Variants in SAMMSON observed in about 807,000 individuals in gnomAD.
SAMMSON encodes survival associated mitochondrial melanoma specific oncogenic non-coding RNA.
At chr3:70,001,222 C>A (rs2066904515) in intron 1 of SAMMSON, among the ~76,000 whole-genome samples, 2 of 152,062 alleles carry the variant, frequency 1.3e-5, no homozygotes, top group Admixed American at 6.5e-5. Flanking sequence ...ATAAAAACTT[C>A]AGGCACTTGA....
intron 9 of SAMMSON, among the ~76,000 whole-genome samples, chr3:70,358,723 T>C (rs180722315): frequency 6.2e-4 from 95 of 152,308 alleles, no homozygotes; most frequent in Admixed American, 1.2e-3. Context: ...TTTTGTTTAT[T>C]GCATTGCTTT....
At chr3:70,022,758 G>C (rs1407733516) in intron 3 of SAMMSON, among the ~76,000 whole-genome samples, 1 of 152,106 alleles carries the variant, frequency 6.6e-6, no homozygotes, top group Non-Finnish European at 1.5e-5. Flanking sequence ...ACAGCTAAAG[G>C]GCCTAAGCCC....
chr3:70,411,609 G>T (rs1701219852), intron 2 of SAMMSON, among the ~76,000 whole-genome samples: 1 of 152,164 alleles, frequency 6.6e-6, no homozygotes, highest in Non-Finnish European at 1.5e-5. Flanking sequence ...GTTGTGGGAG[G>T]AACCCAGTGG....
intron 6 of SAMMSON, chr3:70,272,113 C>G (rs1448219923): frequency 6.6e-6 from 1 of 152,168 alleles, no homozygotes; most frequent in Non-Finnish European, 1.5e-5. Flanking sequence ...ATATCACATG[C>G]CCAGAGTTGC....
chr3:70,049,661 C>CCAT (rs1024693451), intron 3 of SAMMSON, among the ~76,000 whole-genome samples: 3 of 151,972 alleles, frequency 2.0e-5, no homozygotes, highest in Middle Eastern at 3.2e-3. Flanking sequence ...ATCATCATCA[C>CCAT]CATCATCATC....
chr3:70,357,848 T>C (rs576818082), intron 8 of SAMMSON, among the ~76,000 whole-genome samples: 50 of 152,296 alleles, frequency 3.3e-4, no homozygotes, highest in Non-Finnish European at 5.7e-4. Context: ...ATTTTAAAAG[T>C]AAAGAGTATT....
intron 4 of SAMMSON, among the ~76,000 whole-genome samples, chr3:70,187,769 T>C (rs1701103050): frequency 1.3e-5 from 2 of 152,066 alleles, no homozygotes; most frequent in Admixed American, 1.3e-4. Flanking sequence ...CTCACCCATA[T>C]GTAGTCCATC....
intron 4 of SAMMSON, among the ~76,000 whole-genome samples, chr3:70,133,688 T>C (rs533382013): frequency 1.3e-5 from 2 of 152,228 alleles, no homozygotes; most frequent in African/African-American, 4.8e-5. Context: ...GTCTCAAAAT[T>C]AACCTAAGTT....
intron 4 of SAMMSON, among the ~76,000 whole-genome samples, chr3:70,136,433 C>T (rs1391726414): frequency 6.6e-6 from 1 of 152,180 alleles, no homozygotes; most frequent in African/African-American, 2.4e-5. Flanking sequence ...TTGCCAATAG[C>T]CATCTGAGTG....
chr3:70,105,460 C>T (rs1261762308), intron 4 of SAMMSON, among the ~76,000 whole-genome samples: 1 of 152,144 alleles, frequency 6.6e-6, no homozygotes, highest in African/African-American at 2.4e-5. Flanking sequence ...GGGCCCCTCC[C>T]TCTGAAAGTG....
chr3:70,059,776 C>T (rs1198738808), intron 3 of SAMMSON, among the ~76,000 whole-genome samples: 3 of 152,132 alleles, frequency 2.0e-5, no homozygotes, highest in East Asian at 3.9e-4. Context: ...AATTAACCCC[C>T]CCAGTTGGCA....
intron 3 of SAMMSON, among the ~76,000 whole-genome samples, chr3:70,070,864 G>A (rs1334376665): frequency 6.6e-6 from 1 of 151,958 alleles, no homozygotes; most frequent in African/African-American, 2.4e-5. Context: ...GCTCTTGTTT[G>A]GAAGAAGGAT....
At chr3:70,209,075 A>G (rs1174577647) in intron 4 of SAMMSON, among the ~76,000 whole-genome samples, 1 of 152,110 alleles carries the variant, frequency 6.6e-6, no homozygotes, top group Admixed American at 6.6e-5. Context: ...GATGGTGATG[A>G]AAATCATAAT....
At chr3:70,075,760 C>T (rs752217830) in intron 4 of SAMMSON, among the ~76,000 whole-genome samples, 1 of 152,092 alleles carries the variant, frequency 6.6e-6, no homozygotes, top group African/African-American at 2.4e-5. Flanking sequence ...AAACTCATAG[C>T]GCAGTATAGT....
chr3:70,036,359 A>G (rs1432608600), intron 3 of SAMMSON, among the ~76,000 whole-genome samples: 1 of 152,014 alleles, frequency 6.6e-6, no homozygotes, highest in Non-Finnish European at 1.5e-5. Context: ...AACAGCCTGT[A>G]TTTTCTCCTG....
intron 4 of SAMMSON, among the ~76,000 whole-genome samples, chr3:70,092,902 G>GTTTTTTTTTTTTTTT (rs5849939): frequency 7.2e-6 from 1 of 138,176 alleles, no homozygotes; most frequent in Non-Finnish European, 1.5e-5. Flanking sequence ...TAGTGTTTTT[G>GTTTTTTTTTTTTTTT]TTTTTTTTTT....
intron 3 of SAMMSON, among the ~76,000 whole-genome samples, chr3:70,066,447 A>G (rs1370964835): frequency 6.6e-6 from 1 of 152,104 alleles, no homozygotes; most frequent in Non-Finnish European, 1.5e-5. Flanking sequence ...TTGGACAAAG[A>G]GTCTCAGAAA....
intron 9 of SAMMSON, among the ~76,000 whole-genome samples, chr3:70,359,818 C>T (rs951544575): frequency 2.6e-5 from 4 of 152,002 alleles, no homozygotes; most frequent in African/African-American, 7.2e-5. Context: ...ATTGCAATAT[C>T]TCAGACCTTT....
intron 4 of SAMMSON, among the ~76,000 whole-genome samples, chr3:70,186,846 T>C (rs1325305926): frequency 6.6e-6 from 1 of 152,260 alleles, no homozygotes; most frequent in East Asian, 1.9e-4. Flanking sequence ...TTCCTAGCTC[T>C]TGGAAGTAAA....
Sources: gnomAD v4.1 joint callset for allele counts (sites outside exome capture counted in the v4.1 genomes callset) on GRCh38, gnomAD v4.1.1 for gene constraint, MANE v1.5 for transcripts, NCBI Gene and HGNC (gene_info 2026-07-23, HGNC 2026-07-21) for gene names.